CNTNAP5: variants seen among roughly 807,000 people sequenced by gnomAD.
The protein encoded by CNTNAP5 is contactin associated protein family member 5, also known as contactin-associated protein-like 5.
Under a neutral mutation model 150.2 loss-of-function variants are expected in CNTNAP5, and 72 were observed. That is an observed-to-expected ratio of 0.48 (90% CI 0.40 to 0.58). The LOEUF (loss-of-function observed/expected upper bound fraction) is 0.58. Ranked by LOEUF, CNTNAP5 falls within the 20% of genes least tolerant of loss-of-function variation. CNTNAP5 has a pLI of 0.00. For missense variants in CNTNAP5, 1,636 were observed against 1,626.2 expected (o/e 1.01, Z -0.10); for synonymous variants, 672 against 619.8 (o/e 1.08, Z -1.25).
At chr2:124,537,037 TGA>T (rs1039786979) in intron 10 of CNTNAP5, among the ~76,000 whole-genome samples, 4 of 150,536 alleles carry the variant, frequency 2.7e-5, no homozygotes, top group Non-Finnish European at 3.0e-5. Flanking sequence ...TGTGTGTGTG[TGA>T]GAGAGAGAGA....
At chr2:124,556,129 G>A (rs1289522994) in intron 10 of CNTNAP5, among the ~76,000 whole-genome samples, 1 of 152,174 alleles carries the variant, frequency 6.6e-6, no homozygotes, top group Non-Finnish European at 1.5e-5. Context: ...ATCACTTTTA[G>A]GGAGATGATC....
rs1573710370 is a variant in CNTNAP5 at position 124,915,298 on chromosome 2, G to A, written c.*1010G>A. 6.0e-6 allele frequency: 1 copy of A among 165,754 alleles called. No homozygotes were observed. The highest frequency in any genetic ancestry group is 2.4e-5 in the African/African-American group (1 of 41,012). The allele number at this position is 165,754 out of a possible 1,614,324, so 10.3% of individuals were successfully genotyped here. A position where few individuals can be genotyped will look rare whatever the true frequency, so the allele number is the denominator to read the frequency against. On this transcript the variant is annotated 3_prime_UTR_variant, in exon 24 of 24. Coordinates refer to ENST00000682447, the MANE Select transcript of CNTNAP5 (RefSeq NM_001367498.1). ...AAATAAAAGTTTAAAATAGTACCCG[G>A]TTCAATGAAAGAGCCTAAACCATCT...
At chr2:124,719,368 G>A (rs1019110790) in intron 13 of CNTNAP5, among the ~76,000 whole-genome samples, 10 of 152,076 alleles carry the variant, frequency 6.6e-5, no homozygotes, top group Non-Finnish European at 1.5e-4. Flanking sequence ...CATACTGTTT[G>A]GAAAATGAAT....
In CNTNAP5 at chr2:124,920,250, C is replaced by T. The variant is rs1172414727; in HGVS notation, c.*5962C>T. On this transcript the variant is annotated 3_prime_UTR_variant, in exon 24 of 24. Transcript: ENST00000682447. ...ATGCTTCAGATGCCAGAAATATCTT[C>T]AGAGAACGTGAACAAAGTGCTGGAT... 6.6e-6 allele frequency among the ~76,000 whole-genome samples: 1 copy of T among 152,106 alleles called. No individual in the cohort carries two copies. The highest frequency in any genetic ancestry group is 1.5e-5 in the Non-Finnish European group (1 of 68,022).
intron 9 of CNTNAP5, 126 bp from the exon 10 acceptor site, chr2:124,527,159 G>A (rs1456134709): frequency 4.4e-6 from 3 of 689,536 alleles, no homozygotes; most frequent in Admixed American, 2.9e-5. Flanking sequence ...TAATGAAAAG[G>A]GTGTGCACTG....
At chr2:124,251,057 C>A (rs1043356578) in intron 3 of CNTNAP5, among the ~76,000 whole-genome samples, 1 of 152,066 alleles carries the variant, frequency 6.6e-6, no homozygotes, top group Non-Finnish European at 1.5e-5. Flanking sequence ...TTGTGTTTCA[C>A]GTCTCTGACC....
intron 7 of CNTNAP5, among the ~76,000 whole-genome samples, chr2:124,480,268 C>A (rs1234102369): frequency 1.3e-5 from 2 of 152,120 alleles, no homozygotes; most frequent in East Asian, 3.8e-4. Context: ...ATGGTAGACT[C>A]CTTTAAAATA....
intron 11 of CNTNAP5, among the ~76,000 whole-genome samples, chr2:124,607,830 G>A (rs1185757516): frequency 6.6e-6 from 1 of 152,172 alleles, no homozygotes; most frequent in Admixed American, 6.5e-5. Flanking sequence ...ATAGACAACA[G>A]CTGATTTTCA....
At chr2:124,710,944 G>T (rs1247027923) in intron 13 of CNTNAP5, among the ~76,000 whole-genome samples, 1 of 152,096 alleles carries the variant, frequency 6.6e-6, no homozygotes, top group Non-Finnish European at 1.5e-5. Context: ...TTCACTTCTT[G>T]ATTTTTTGAA....
At chr2:124,279,846 T>C (rs1218455773) in intron 3 of CNTNAP5, among the ~76,000 whole-genome samples, 2 of 152,112 alleles carry the variant, frequency 1.3e-5, no homozygotes, top group Non-Finnish European at 2.9e-5. Context: ...TTACCACCCA[T>C]ACTCCAATCT....
chr2:124,722,382 G>T (rs1028170376), intron 13 of CNTNAP5, among the ~76,000 whole-genome samples: 5 of 152,244 alleles, frequency 3.3e-5, no homozygotes, highest in African/African-American at 9.6e-5. Flanking sequence ...GAGCAGACAA[G>T]CTATCTGCTT....
chr2:124,467,602 G>A (rs1693408061), intron 6 of CNTNAP5, among the ~76,000 whole-genome samples: 1 of 152,112 alleles, frequency 6.6e-6, no homozygotes, highest in South Asian at 2.1e-4. Context: ...GAATTAAGAG[G>A]TGTGTAGCCT....
intron 2 of CNTNAP5, among the ~76,000 whole-genome samples, 154 bp downstream of exon 2, chr2:124,221,963 C>G (rs1373480232): frequency 6.6e-6 from 1 of 152,086 alleles, no homozygotes; most frequent in Non-Finnish European, 1.5e-5. Context: ...CTAATGTAAG[C>G]ATACTTCCAT....
At chr2:124,572,825 T>C (rs1696197291) in intron 11 of CNTNAP5, among the ~76,000 whole-genome samples, 1 of 152,224 alleles carries the variant, frequency 6.6e-6, no homozygotes, top group Non-Finnish European at 1.5e-5. Flanking sequence ...TGTCTTTTCC[T>C]GAAGAAAATC....
chr2:124,758,701 C>T (rs2105158964), intron 14 of CNTNAP5, among the ~76,000 whole-genome samples: 1 of 151,998 alleles, frequency 6.6e-6, no homozygotes, highest in East Asian at 1.9e-4. Flanking sequence ...AGGGAAGTAA[C>T]TAGATTGAGA....
At chr2:124,419,960 T>TTTCTC (rs1553466670) in intron 4 of CNTNAP5, among the ~76,000 whole-genome samples, 4 of 16,958 alleles carry the variant, frequency 2.4e-4, no homozygotes, top group Non-Finnish European at 4.9e-4. Flanking sequence ...TTCTTTCCTT[T>TTTCTC]TCTCTCTCTC....
At chr2:124,839,922 T>G (rs1178880956) in intron 19 of CNTNAP5, among the ~76,000 whole-genome samples, 5 of 152,154 alleles carry the variant, frequency 3.3e-5, no homozygotes, top group Non-Finnish European at 7.4e-5. Context: ...AACACACTTG[T>G]CTCTTTTTCA....
intron 1 of CNTNAP5, among the ~76,000 whole-genome samples, chr2:124,146,724 G>C (rs62163889): frequency 0.31 from 46,751 of 152,008 alleles, 7,716 homozygotes; most frequent in East Asian, 0.55. Context: ...TAGTAGTTAT[G>C]TTTATTATTT....
rs556571236 is a variant in CNTNAP5, at chr2:124,057,448, A to ATTTTTTTTTTTTTTTTTTTTTTTTTTTTT, written c.82+31739_82+31740insTTTTTTTTTTTTTTTTTTTTTTTTTTTTT. ...AGGCACCCACCAGCACGGCCAGCTA[A>ATTTTTTTTTTTTTTTTTTTTTTTTTTTTT]TTTTTTTTTTTTTTTTTTTTTTTAG... On this transcript the variant is annotated intron_variant, in intron 1 of 23. Coordinates refer to ENST00000682447, the MANE Select transcript of CNTNAP5 (RefSeq NM_001367498.1). 3.8e-4 allele frequency among the ~76,000 whole-genome samples: 24 copies of ATTTTTTTTTTTTTTTTTTTTTTTTTTTTT among 62,780 alleles called. 4 individuals carry two copies. Among genetic ancestry groups the ATTTTTTTTTTTTTTTTTTTTTTTTTTTTT allele is most frequent in the East Asian group, 5.0e-4 (1 of 2,000 alleles). The allele number at this position is 62,780 out of a possible 152,430, so 41.2% of individuals were successfully genotyped here. A position where few individuals can be genotyped will look rare whatever the true frequency, so the allele number is the denominator to read the frequency against.
Sources: gnomAD v4.1 joint callset for allele counts (sites outside exome capture counted in the v4.1 genomes callset) on GRCh38, gnomAD v4.1.1 for gene constraint, MANE v1.5 for transcripts, NCBI Gene and HGNC (gene_info 2026-07-23, HGNC 2026-07-21) for gene names.